Variants in PI4KA observed in about 807,000 individuals in gnomAD.
PI4KA encodes phosphatidylinositol 4-kinase alpha, also known as PI4-kinase alpha.
PI4KA carries 122 observed loss-of-function variants against 271.4 expected under a neutral mutation model. The observed-to-expected ratio is 0.45, with a 90% CI of 0.39 to 0.52. PI4KA has a LOEUF of 0.52. PI4KA is among the 20% of genes least tolerant of loss of function. The probability of loss-of-function intolerance (pLI) is 0.00; values close to 1 mark genes in which losing one functional copy is unlikely to be tolerated. For missense variants in PI4KA, 1,969 were observed against 2,769.1 expected (o/e 0.71, Z 6.48); for synonymous variants, 1,041 against 1,078.8 (o/e 0.96, Z 0.69).
intron 29 of PI4KA, among the ~76,000 whole-genome samples, chr22:20,745,626 T>C (rs1344979462): frequency 6.6e-6 from 1 of 152,156 alleles, no homozygotes; most frequent in African/African-American, 2.4e-5. Context: ...ATAAATTACG[T>C]GAAACTGCTT....
intron 17 of PI4KA, 35 bp downstream of exon 17, chr22:20,798,549 G>C: frequency 8.3e-7 from 1 of 1,208,530 alleles, no homozygotes; most frequent in Non-Finnish European, 1.2e-6. Flanking sequence ...GTTAAATACT[G>C]TCATGATAAA....
At chr22:20,832,643 T>C (rs1362779675) in intron 3 of PI4KA, among the ~76,000 whole-genome samples, 1 of 152,038 alleles carries the variant, frequency 6.6e-6, no homozygotes, top group Non-Finnish European at 1.5e-5. Flanking sequence ...TTAGTAGAGA[T>C]GGGGTTTCAC....
intron 18 of PI4KA, chr22:20,793,514 A>G (rs574587795): frequency 8.8e-4 from 315 of 359,054 alleles, no homozygotes; most frequent in African/African-American, 6.2e-3. Context: ...ACAGCTATTT[A>G]AAATACAACT....
In PI4KA at chr22:20,819,887, C is replaced by T. The variant is rs745375778; in HGVS notation, c.543G>A (p.Lys181=). The T allele has an allele frequency of 3.1e-6, 5 of 1,613,736 alleles. No homozygotes were observed. The highest frequency in any genetic ancestry group is 2.2e-5 in the South Asian group (2 of 91,074). ...LEIQDKEYLC[K]YAIPCLIGIS... is the part of the protein sequence containing the mutation. ...TTCCTATCAGGCATGGGATAGCATA[C>T]TTGCAAAGGTATTCTAGAAGATCAA... Residue 181 remains lysine, a synonymous_variant, in exon 6 of 55, where the codon AAG becomes AAA. Transcript: ENST00000255882.
Position 20,807,423 on chromosome 22 carries a change from G to A in PI4KA, c.1107C>T (p.Phe369=), listed in dbSNP as rs762275902. ...NPSADLYYTS[F]SDPLYLTMFK... is the part of the protein sequence containing the mutation. ...ACATGGTCAGGTAGAGAGGGTCACT[G>A]AAGGAAGTGTAGTAGAGATCAGCAC... is the stretch of plus-strand genomic sequence containing the variant. Residue 369 remains phenylalanine (F), a synonymous_variant, in exon 10 of 55, where the codon TTC becomes TTT. Coordinates refer to ENST00000255882, the MANE Select transcript of PI4KA (RefSeq NM_058004.4). 1.2e-6 allele frequency: 2 copies of A among 1,613,302 alleles called. No homozygotes were observed. The highest frequency in any genetic ancestry group is 1.1e-5 in the South Asian group (1 of 91,066).
intron 19 of PI4KA, among the ~76,000 whole-genome samples, chr22:20,790,800 A>G (rs545488871): frequency 1.3e-5 from 2 of 152,184 alleles, no homozygotes; most frequent in Admixed American, 6.5e-5. Flanking sequence ...GGGTAACCAT[A>G]AAGTAAATGC....
intron 25 of PI4KA, 34 bp downstream of exon 25, chr22:20,752,869 T>G: frequency 6.2e-7 from 1 of 1,607,314 alleles, no homozygotes; most frequent in Admixed American, 1.7e-5. Context: ...TTTATATACA[T>G]ACACACAAAA....
In PI4KA at chr22:20,804,964, T is replaced by C. The variant is rs1257942015; in HGVS notation, c.1360+10A>G. On this transcript the variant is annotated intron_variant, in intron 11 of 54. Coordinates refer to ENST00000255882, the MANE Select transcript of PI4KA (RefSeq NM_058004.4). ...GGAGCTCACATGAGAGGCAAGGCAGTCTGTCTCACCCTGCTCGTCCTTCAC... is the reference window on the plus strand; with the variant it reads ...GGAGCTCACATGAGAGGCAAGGCAGCCTGTCTCACCCTGCTCGTCCTTCAC... The C allele has an allele frequency of 6.3e-7, 1 of 1,598,594 alleles. No individual in the cohort carries two copies. The highest frequency in any genetic ancestry group is 1.1e-5 in the South Asian group (1 of 89,282).
chr22:20,833,998 C>T (rs1924553369), intron 3 of PI4KA, among the ~76,000 whole-genome samples: 1 of 152,066 alleles, frequency 6.6e-6, no homozygotes, highest in Non-Finnish European at 1.5e-5. Flanking sequence ...AAACAATCTG[C>T]CCACCTCGGC....
chr22:20,732,866 G>C (rs1163886069), intron 36 of PI4KA, 105 bp downstream of exon 36: 97 of 1,321,720 alleles, frequency 7.3e-5, no homozygotes, highest in Non-Finnish European at 9.0e-5. Flanking sequence ...GCTCAGGGGG[G>C]TCTAACTGCT....
In PI4KA at chr22:20,819,135, G is replaced by A. The variant is rs143473298; in HGVS notation, c.789+506C>T. ...AAGAAGCAGATGTTTAGGGCGAAAC[G>A]GTGAAAGGGAGGCAGTGTGTCATAT... On this transcript the variant is annotated intron_variant, in intron 6 of 54. Coordinates refer to ENST00000255882, the MANE Select transcript of PI4KA (RefSeq NM_058004.4). Among the ~76,000 whole-genome samples, 5 of 152,314 alleles carry A rather than the reference G, an allele frequency of 3.3e-5. No individual in the cohort carries two copies. In the East Asian group the frequency reaches 5.8e-4, roughly 18 times the overall value.
intron 7 of PI4KA, among the ~76,000 whole-genome samples, chr22:20,818,154 T>A (rs1488188056): frequency 6.6e-6 from 1 of 152,110 alleles, no homozygotes; most frequent in African/African-American, 2.4e-5. Context: ...CCACCATTAG[T>A]ACTTCCACCT....
intron 10 of PI4KA, among the ~76,000 whole-genome samples, chr22:20,805,704 C>T (rs1475552321): frequency 6.6e-6 from 1 of 151,512 alleles, no homozygotes; most frequent in African/African-American, 2.4e-5. Context: ...TGGTGGTGGG[C>T]GCCTGTAGTC....
At chr22:20,742,855 C>CCCACCAG in intron 30 of PI4KA, 91 bp from the exon 31 acceptor site, 1 of 1,205,194 alleles carries the variant, frequency 8.3e-7, no homozygotes, top group Non-Finnish European at 1.2e-6. Context: ...TGTGGTGGCA[C>CCCACCAG]TGGTGGGTGC....
intron 23 of PI4KA, among the ~76,000 whole-genome samples, chr22:20,758,215 A>G (rs1385467870): frequency 6.6e-6 from 1 of 151,856 alleles, no homozygotes; most frequent in Non-Finnish European, 1.5e-5. Flanking sequence ...AATACAAAAA[A>G]TTAGCCAGGC....
chr22:20,736,962 G>A (rs1928805407), intron 32 of PI4KA: 1 of 153,508 alleles, frequency 6.5e-6, no homozygotes, highest in Non-Finnish European at 1.5e-5. Flanking sequence ...CATCTACAGT[G>A]AAGGGAAGAA....
chr22:20,783,435 TA>T (rs362069), intron 19 of PI4KA, among the ~76,000 whole-genome samples: 12,247 of 135,964 alleles, frequency 0.09, 558 homozygotes, highest in African/African-American at 0.14. Context: ...CATCTACAAT[TA>T]AAAAAAAAAA....
chr22:20,709,706 C>T (rs1273235115), intron 53 of PI4KA, among the ~76,000 whole-genome samples: 18 of 116,564 alleles, frequency 1.5e-4, no homozygotes, highest in Admixed American at 7.5e-4. Context: ...CTGGGTGGGT[C>T]TCTGGTGTGG....
chr22:20,790,829 T>C (rs1482341336), intron 19 of PI4KA, among the ~76,000 whole-genome samples: 1 of 152,034 alleles, frequency 6.6e-6, no homozygotes, highest in African/African-American at 2.4e-5. Context: ...ATGATCTCTG[T>C]GCTCTTTGTT....
Sources: gnomAD v4.1 joint callset for allele counts (sites outside exome capture counted in the v4.1 genomes callset) on GRCh38, gnomAD v4.1.1 for gene constraint, MANE v1.5 for transcripts, NCBI Gene and HGNC (gene_info 2026-07-23, HGNC 2026-07-21) for gene names.